The following TAB2 variants were observed in gnomAD, a reference collection of about 807,000 sequenced individuals.
TAB2 encodes the protein TGF-beta-activated kinase 1 and MAP3K7-binding protein 2.
In TAB2, 3 loss-of-function variants were observed where a neutral mutation model predicts 65.0. The observed-to-expected ratio is 0.05, with a 90% CI of 0.02 to 0.12. The LOEUF is 0.12. Among genes scored for constraint, TAB2 ranks in the 10% least tolerant of loss-of-function variants. TAB2 has a pLI of 1.00. For missense variants in TAB2, 623 were observed against 840.3 expected (o/e 0.74, Z 3.20); for synonymous variants, 298 against 285.1 (o/e 1.05, Z -0.46).
At chr6:149,260,293 G>A (rs1377159172) in intron 1 of TAB2, among the ~76,000 whole-genome samples, 9 of 152,204 alleles carry the variant, frequency 5.9e-5, no homozygotes, top group Admixed American at 5.9e-4. Flanking sequence ...CCAAGAAGTG[G>A]GTTTGGAACG....
At chr6:149,372,721 T>G (rs1038301177) in intron 2 of TAB2, among the ~76,000 whole-genome samples, 5 of 152,178 alleles carry the variant, frequency 3.3e-5, no homozygotes, top group African/African-American at 1.2e-4. Context: ...GGTAATGTAC[T>G]TTTTAGCTGA....
chr6:149,378,589 C>G lies in TAB2; in HGVS notation c.674C>G (p.Thr225Arg). 6.2e-7 allele frequency: 1 copy of G among 1,613,752 alleles called. No homozygotes were observed. The highest frequency in any genetic ancestry group is 8.5e-7 in the Non-Finnish European group (1 of 1,180,036). Residue 225 changes from threonine to arginine, a missense_variant, in exon 3 of 7, where the codon ACA becomes AGA. Transcript: ENST00000637181. ...CCTTACATTACAACTCCTGGTGGTACAACTCGACAGACACAACAGCATTCT... is the reference window on the plus strand; with the variant it reads ...CCTTACATTACAACTCCTGGTGGTAGAACTCGACAGACACAACAGCATTCT... ...IRPYITTPGG[T>R]TRQTQQHSGW...
chr6:149,334,119 A>G (rs1411996566), intron 1 of TAB2, among the ~76,000 whole-genome samples: 1 of 152,194 alleles, frequency 6.6e-6, no homozygotes, highest in Non-Finnish European at 1.5e-5. Context: ...CTTTATAATC[A>G]TTTTTGTTAT....
Position 149,290,030 on chromosome 6 carries a change from T to C in TAB2, c.-121+71254T>C, listed in dbSNP as rs527538248. ...GGTTGTGGAGACCAAGATTTTATCA[T>C]GGAGATGAAGCCTCCAGGTAGCAGG... On this transcript the variant is annotated intron_variant, in intron 1 of 1. Coordinates refer to the TAB2 transcript ENST00000606202. 2.6e-5 allele frequency among the ~76,000 whole-genome samples: 4 copies of C among 152,316 alleles called. No individual in the cohort carries two copies. The East Asian group carries it at 7.7e-4, about 29-fold the overall frequency.
intron 1 of TAB2, among the ~76,000 whole-genome samples, chr6:149,292,547 T>C (rs1268955640): frequency 1.3e-5 from 2 of 152,348 alleles, no homozygotes; most frequent in Non-Finnish European, 1.5e-5. Context: ...GAAATTGTTT[T>C]AAATGGAAGA....
chr6:149,278,889 G>A (rs889079267), intron 1 of TAB2, among the ~76,000 whole-genome samples: 2 of 151,704 alleles, frequency 1.3e-5, no homozygotes, highest in African/African-American at 4.8e-5. Flanking sequence ...GACCTGTCTG[G>A]GCAACACGAT....
intron 1 of TAB2, among the ~76,000 whole-genome samples, chr6:149,227,085 T>A (rs1022882488): frequency 6.6e-6 from 1 of 152,138 alleles, no homozygotes. Flanking sequence ...ACAGTGTAGG[T>A]ATAGTTTTTG....
rs184070708 is a variant in TAB2, at chr6:149,301,748, C to T, written c.-120-76270C>T. 4.8e-3 allele frequency among the ~76,000 whole-genome samples: 725 copies of T among 152,284 alleles called. 4 individuals are homozygous for T. Among genetic ancestry groups the T allele is most frequent in the Middle Eastern group, 0.027 (8 of 294 alleles). ...AAGAGCTCCATGTATTTAACCACTA[C>T]TTTTCAACAAACACTATTTACTGAA... On this transcript the variant is annotated intron_variant, in intron 1 of 1. Coordinates refer to the TAB2 transcript ENST00000606202.
At chr6:149,218,881 G>A in intron 1 of TAB2, 1 of 429,118 alleles carries the variant, frequency 2.3e-6, no homozygotes, top group South Asian at 1.6e-5. Flanking sequence ...TGCACACTGT[G>A]AGTAAAGAAA....
intron 2 of TAB2, among the ~76,000 whole-genome samples, chr6:149,376,646 A>G (rs1212745454): frequency 2.0e-5 from 3 of 152,230 alleles, no homozygotes; most frequent in African/African-American, 7.2e-5. Context: ...AGCCTACAAT[A>G]TTAATTCTCT....
intron 1 of TAB2, among the ~76,000 whole-genome samples, chr6:149,263,334 AG>A (rs1342939958): frequency 6.6e-6 from 1 of 152,228 alleles, no homozygotes; most frequent in African/African-American, 2.4e-5. Context: ...ATAAATTGGT[AG>A]TTATCTATAT....
chr6:149,323,146 T>A (rs1027375334), intron 1 of TAB2, among the ~76,000 whole-genome samples: 3 of 152,116 alleles, frequency 2.0e-5, no homozygotes, highest in African/African-American at 7.2e-5. Flanking sequence ...AACTCCTGAG[T>A]CTGAAAGGTG....
chr6:149,353,364 A>G (rs1353915542), intron 1 of TAB2, among the ~76,000 whole-genome samples: 2 of 152,210 alleles, frequency 1.3e-5, no homozygotes, highest in Non-Finnish European at 2.9e-5. Context: ...AAAGGTGTAC[A>G]GTGAAGAGAA....
chr6:149,245,062 C>G (rs1777682919), intron 1 of TAB2: 1 of 152,190 alleles, frequency 6.6e-6, no homozygotes, highest in African/African-American at 2.4e-5. Flanking sequence ...TGGGGCTGAG[C>G]TGGAGTTTAA....
intron 3 of TAB2, among the ~76,000 whole-genome samples, chr6:149,392,612 T>G (rs1459534600): frequency 6.6e-6 from 1 of 152,224 alleles, no homozygotes; most frequent in African/African-American, 2.4e-5. Context: ...ACCCTCCTTG[T>G]CCATGAGACT....
At chr6:149,368,694 CT>C (rs1295542958) in intron 1 of TAB2, among the ~76,000 whole-genome samples, 1 of 148,552 alleles carries the variant, frequency 6.7e-6, no homozygotes, top group African/African-American at 2.5e-5. Flanking sequence ...CACAGAAATA[CT>C]TTTGGAAAAT....
At chr6:149,243,752 A>G (rs1471807207) in intron 1 of TAB2, 1 of 152,250 alleles carries the variant, frequency 6.6e-6, no homozygotes, top group Non-Finnish European at 1.5e-5. Context: ...CCATCATCAA[A>G]GGGAAGGAGT....
At chr6:149,241,792 A>G (rs1777602612) in intron 1 of TAB2, among the ~76,000 whole-genome samples, 1 of 152,196 alleles carries the variant, frequency 6.6e-6, no homozygotes, top group African/African-American at 2.4e-5. Flanking sequence ...ATACCTAGCC[A>G]CCGAATCAGA....
chr6:149,273,719 G>T (rs1010961559), intron 1 of TAB2, among the ~76,000 whole-genome samples: 4 of 152,250 alleles, frequency 2.6e-5, no homozygotes, highest in Admixed American at 6.5e-5. Context: ...AACATGAGGA[G>T]ATTGGGATTG....
Sources: gnomAD v4.1 joint callset for allele counts (sites outside exome capture counted in the v4.1 genomes callset) on GRCh38, gnomAD v4.1.1 for gene constraint, MANE v1.5 for transcripts, NCBI Gene and HGNC (gene_info 2026-07-23, HGNC 2026-07-21) for gene names.